The following SDK1 variants were observed in gnomAD, a reference collection of about 807,000 sequenced individuals.
The protein encoded by SDK1 is sidekick cell adhesion molecule 1.
In SDK1, 157 loss-of-function variants were observed where a neutral mutation model predicts 245.5. The observed-to-expected ratio is 0.64, with a 90% confidence interval of 0.56 to 0.73. SDK1 has a LOEUF of 0.73. SDK1 is among the 30% of genes least tolerant of loss of function. The pLI is 0.00. For synonymous variants in SDK1, 1,647 were observed against 1,278.5 expected, an observed-to-expected ratio of 1.29 and a Z score of -6.15; for missense variants, 3,583 against 3,002.3, an observed-to-expected ratio of 1.19 and a Z score of -4.52.
intron 4 of SDK1, among the ~76,000 whole-genome samples, chr7:3,649,930 C>T (rs1235097052): frequency 6.6e-6 from 1 of 151,832 alleles, no homozygotes; most frequent in Non-Finnish European, 1.5e-5. Flanking sequence ...GACTCTGACC[C>T]TGTATCCCCT....
intron 4 of SDK1, among the ~76,000 whole-genome samples, chr7:3,740,837 A>G (rs1779457395): frequency 6.6e-6 from 1 of 152,158 alleles, no homozygotes; most frequent in East Asian, 1.9e-4. Flanking sequence ...CCATGTTCTC[A>G]TTGATTTTAT....
At position 4,113,571 on chromosome 7, in the gene SDK1, A is replaced by C; in HGVS notation, c.3585+132A>C. On this transcript the variant is annotated intron_variant, in intron 24 of 44. Transcript: ENST00000404826. ...CAAAACTAATCTCATCGTCAAACCA[A>C]AAAGTATTGCATTTTACAATTAGTG... 5.9e-6 allele frequency: 6 copies of C among 1,023,634 alleles called. No homozygotes were observed. The South Asian group carries it at 9.4e-5, about 16-fold the overall frequency. 63.4% of individuals were successfully genotyped at this position (1,023,634 alleles called of 1,614,324 possible). A position where few individuals can be genotyped will look rare whatever the true frequency, so the allele number is the denominator to read the frequency against.
rs1055520286 is a variant in SDK1, at chr7:3,432,112, T to A, written c.298+130228T>A. Reference sequence around the variant, plus strand: ...GTAAACAGAGCTTTGCAGGCTGCAGTAAAAAAAAAAAAATATATATATGTA... The same window carrying A: ...GTAAACAGAGCTTTGCAGGCTGCAGAAAAAAAAAAAAAATATATATATGTA... On this transcript the variant is annotated intron_variant, in intron 1 of 44. Coordinates refer to ENST00000404826, the MANE Select transcript of SDK1 (RefSeq NM_152744.4). Among the ~76,000 whole-genome samples the A allele has an allele frequency of 8.4e-4, 71 of 84,252 alleles. 1 individual carries two copies. The highest frequency in any genetic ancestry group is 2.4e-3 in the African/African-American group (64 of 26,702). 55.3% of individuals were successfully genotyped at this position (84,252 alleles called of 152,430 possible).
At chr7:4,050,344 C>T (rs151216572) in intron 18 of SDK1, among the ~76,000 whole-genome samples, 65 of 152,330 alleles carry the variant, frequency 4.3e-4, no homozygotes, top group African/African-American at 1.5e-3. Flanking sequence ...CTTTCGTTTA[C>T]CCTCAGAAGT....
intron 4 of SDK1, among the ~76,000 whole-genome samples, chr7:3,670,053 C>G (rs1471451875): frequency 1.3e-5 from 2 of 152,188 alleles, no homozygotes; most frequent in Non-Finnish European, 2.9e-5. Context: ...CAAATCTACT[C>G]ACATCATTGT....
intron 1 of SDK1, among the ~76,000 whole-genome samples, chr7:3,575,428 G>A (rs538984350): frequency 1.3e-5 from 2 of 152,048 alleles, no homozygotes; most frequent in East Asian, 1.9e-4. Context: ...GGCATCAAAC[G>A]AATGAATTTT....
intron 22 of SDK1, among the ~76,000 whole-genome samples, chr7:4,098,751 C>A (rs1419154552): frequency 1.3e-5 from 2 of 151,644 alleles, no homozygotes; most frequent in Non-Finnish European, 2.9e-5. Flanking sequence ...GCAGCCTCAA[C>A]CTCCCAAGCT....
intron 1 of SDK1, among the ~76,000 whole-genome samples, chr7:3,477,885 A>C (rs1360187431): frequency 1.3e-5 from 2 of 152,096 alleles, no homozygotes; most frequent in Non-Finnish European, 2.9e-5. Flanking sequence ...ATTTCCTCTT[A>C]CTGATTTGTT....
intron 33 of SDK1, 65 bp downstream of exon 33, chr7:4,174,422 C>G: frequency 6.7e-7 from 1 of 1,496,092 alleles, no homozygotes; most frequent in Non-Finnish European, 9.2e-7. Flanking sequence ...GGTATCTGCT[C>G]AGTGCACATC....
At chr7:3,596,401 A>G (rs1423166512) in intron 1 of SDK1, among the ~76,000 whole-genome samples, 1 of 152,222 alleles carries the variant, frequency 6.6e-6, no homozygotes, top group Non-Finnish European at 1.5e-5. Flanking sequence ...GACTGAGGAA[A>G]GTGTGTCTCC....
At chr7:3,389,219 A>C (rs1376186584) in intron 1 of SDK1, among the ~76,000 whole-genome samples, 1 of 152,170 alleles carries the variant, frequency 6.6e-6, no homozygotes, top group African/African-American at 2.4e-5. Context: ...GAACCAGTGA[A>C]TGTTACCTTC....
At chr7:3,393,484 G>T (rs889821993) in intron 1 of SDK1, among the ~76,000 whole-genome samples, 1 of 152,084 alleles carries the variant, frequency 6.6e-6, no homozygotes, top group African/African-American at 2.4e-5. Context: ...ATGTGAAGTG[G>T]TATCTGTACA....
chr7:3,369,033 T>C (rs1175799500), intron 1 of SDK1, among the ~76,000 whole-genome samples: 10 of 152,044 alleles, frequency 6.6e-5, no homozygotes, highest in African/African-American at 2.4e-4. Flanking sequence ...TTTTTTTTCT[T>C]TCCTTTTCTT....
intron 14 of SDK1, among the ~76,000 whole-genome samples, chr7:3,989,750 C>G (rs1346096955): frequency 6.6e-6 from 1 of 152,176 alleles, no homozygotes; most frequent in Admixed American, 6.5e-5. Context: ...ACGCCCCCAG[C>G]AATTATTGAG....
intron 4 of SDK1, among the ~76,000 whole-genome samples, chr7:3,816,616 C>T (rs1204102318): frequency 1.3e-5 from 2 of 151,896 alleles, no homozygotes; most frequent in African/African-American, 2.4e-5. Context: ...AGTTTACCAA[C>T]CAAAAAGAGT....
At chr7:3,882,223 G>A (rs1250115899) in intron 5 of SDK1, among the ~76,000 whole-genome samples, 1 of 152,132 alleles carries the variant, frequency 6.6e-6, no homozygotes, top group Non-Finnish European at 1.5e-5. Flanking sequence ...AAACACGTGG[G>A]AATTCTGGGA....
At chr7:3,814,813 T>G (rs1413755313) in intron 4 of SDK1, among the ~76,000 whole-genome samples, 4 of 150,752 alleles carry the variant, frequency 2.7e-5, no homozygotes, top group Non-Finnish European at 4.4e-5. Flanking sequence ...TAGTTCTCCT[T>G]GAAGAGGTCC....
intron 44 of SDK1, among the ~76,000 whole-genome samples, chr7:4,263,535 C>T (rs1184695934): frequency 2.3e-5 from 2 of 85,614 alleles, no homozygotes; most frequent in African/African-American, 5.2e-5. Flanking sequence ...GGGGAGGCCG[C>T]GTAGACGCCT....
intron 17 of SDK1, among the ~76,000 whole-genome samples, chr7:4,034,457 G>A (rs536125448): frequency 6.6e-6 from 1 of 152,316 alleles, no homozygotes; most frequent in East Asian, 1.9e-4. Context: ...CCTCATGTTA[G>A]CAGCTCACTC....
Sources: allele counts gnomAD v4.1 joint callset (sites outside exome capture counted in the v4.1 genomes callset), GRCh38; gene constraint gnomAD v4.1.1; transcripts MANE v1.5; gene names NCBI Gene and HGNC (gene_info 2026-07-23, HGNC 2026-07-21).